ARHGAP26: variants seen among roughly 807,000 people sequenced by gnomAD.
The protein encoded by ARHGAP26 is rho GTPase-activating protein 26.
ARHGAP26 carries 38 observed loss-of-function variants against 104.8 expected under a neutral mutation model. That is an observed-to-expected ratio of 0.36 (90% CI 0.28 to 0.48). The LOEUF (loss-of-function observed/expected upper bound fraction) is 0.48, where lower values mean the gene tolerates loss of function less well. Among genes scored for constraint, ARHGAP26 ranks in the 20% least tolerant of loss-of-function variants. The probability of loss-of-function intolerance (pLI) is 0.99; values close to 1 mark genes in which losing one functional copy is unlikely to be tolerated. For synonymous variants in ARHGAP26, 341 were observed against 340.0 expected, an observed-to-expected ratio of 1.00 and a Z score of -0.03; for missense variants, 704 against 947.9, an observed-to-expected ratio of 0.74 and a Z score of 3.38.
intron 1 of ARHGAP26, among the ~76,000 whole-genome samples, chr5:142,780,653 T>G (rs1049593235): frequency 7.2e-5 from 11 of 152,250 alleles, no homozygotes; most frequent in African/African-American, 2.7e-4. Context: ...ATCAGTTGAA[T>G]GTAGGATCCC....
At chr5:142,878,804 A>T (rs900587727) in intron 3 of ARHGAP26, among the ~76,000 whole-genome samples, 1 of 152,104 alleles carries the variant, frequency 6.6e-6, no homozygotes, top group Non-Finnish European at 1.5e-5. Context: ...GTAGGTTGGA[A>T]TGCAGGACCT....
At chr5:142,880,730 T>C (rs2152388370) in intron 4 of ARHGAP26, among the ~76,000 whole-genome samples, 1 of 152,106 alleles carries the variant, frequency 6.6e-6, no homozygotes, top group East Asian at 1.9e-4. Flanking sequence ...TCTTACTTTG[T>C]GTGGATTTTG....
intron 21 of ARHGAP26, among the ~76,000 whole-genome samples, chr5:143,210,316 C>G (rs1362122515): frequency 1.3e-5 from 2 of 151,904 alleles, no homozygotes; most frequent in Admixed American, 6.6e-5. Context: ...TCTCGTGAGA[C>G]CCATTCAGTA....
intron 12 of ARHGAP26, among the ~76,000 whole-genome samples, chr5:143,032,844 C>T (rs180981965): frequency 0.014 from 2,167 of 152,174 alleles, 25 homozygotes; most frequent in South Asian, 0.049. Context: ...CATGCATGCA[C>T]ATGTGTGTGT....
In ARHGAP26 at chr5:143,211,299, G is replaced by A. The variant is rs560999872; in HGVS notation, c.2100-2698G>A. On this transcript the variant is annotated intron_variant, in intron 21 of 22. Transcript: ENST00000645722. ...TCCCATGCAATATTTGGGACATAAC[G>A]TATACTAAAGAAATATTTATTGTTT... Among the ~76,000 whole-genome samples, 16 of 152,210 alleles carry A rather than the reference G, an allele frequency of 1.1e-4. No individual in the cohort carries two copies. In the South Asian group the frequency reaches 1.5e-3, roughly 14 times the overall value.
chr5:143,043,502 A>G (rs1433159519), intron 14 of ARHGAP26, among the ~76,000 whole-genome samples: 1 of 152,210 alleles, frequency 6.6e-6, no homozygotes, highest in Non-Finnish European at 1.5e-5. Flanking sequence ...AAGCTTCTAT[A>G]AATTTTCATA....
In ARHGAP26 at chr5:143,037,823, A is replaced by G. The variant is rs181270256; in HGVS notation, c.1210+562A>G. 4.3e-3 allele frequency among the ~76,000 whole-genome samples: 659 copies of G among 152,312 alleles called. 8 individuals carry two copies. Among genetic ancestry groups the G allele is most frequent in the African/African-American group, 0.015 (615 of 41,572 alleles). ...TCCTGTCTAAGTTCACAGACACCCT[A>G]AATTTTCTCTGGCAGACATCTTGGG... On this transcript the variant is annotated intron_variant, in intron 13 of 22. Coordinates refer to ENST00000645722, the MANE Select transcript of ARHGAP26 (RefSeq NM_001135608.3).
intron 12 of ARHGAP26, among the ~76,000 whole-genome samples, chr5:143,024,079 T>G (rs1780706975): frequency 6.6e-6 from 1 of 152,202 alleles, no homozygotes; most frequent in Admixed American, 6.5e-5. Context: ...GAATTACATT[T>G]AGTTGAGCTG....
intron 21 of ARHGAP26, among the ~76,000 whole-genome samples, chr5:143,211,406 G>C (rs1395353541): frequency 6.6e-6 from 1 of 152,078 alleles, no homozygotes; most frequent in African/African-American, 2.4e-5. Flanking sequence ...CAACAGGAAT[G>C]GCCCCCTTTA....
intron 19 of ARHGAP26, among the ~76,000 whole-genome samples, chr5:143,146,445 A>T (rs977198323): frequency 6.6e-6 from 1 of 152,214 alleles, no homozygotes; most frequent in Non-Finnish European, 1.5e-5. Context: ...GGAATCCAAG[A>T]TCAAGTAGAA....
chr5:142,995,725 A>G (rs1295884015), intron 11 of ARHGAP26, among the ~76,000 whole-genome samples: 3 of 152,214 alleles, frequency 2.0e-5, no homozygotes, highest in Non-Finnish European at 4.4e-5. Context: ...ATGTTTATTG[A>G]GGCACTATTC....
At chr5:143,007,816 A>G (rs1439002444) in intron 11 of ARHGAP26, among the ~76,000 whole-genome samples, 4 of 87,108 alleles carry the variant, frequency 4.6e-5, no homozygotes, top group African/African-American at 1.3e-4. Flanking sequence ...GGCTATTTTT[A>G]TGTTTGATTG....
intron 11 of ARHGAP26, among the ~76,000 whole-genome samples, chr5:143,006,647 A>G (rs1246059724): frequency 6.6e-6 from 1 of 152,208 alleles, no homozygotes; most frequent in Non-Finnish European, 1.5e-5. Flanking sequence ...TCCACTGAGC[A>G]CATTTCACCA....
intron 6 of ARHGAP26, among the ~76,000 whole-genome samples, chr5:142,895,494 T>G (rs1759345124): frequency 6.6e-6 from 1 of 152,180 alleles, no homozygotes; most frequent in South Asian, 2.1e-4. Flanking sequence ...CCTCCCAAAG[T>G]GCTGGGATTA....
Position 143,054,471 on chromosome 5 carries a change from ATCT to A in ARHGAP26, c.1319_1321del (p.Ile440_Cys441delinsSer). The A allele has an allele frequency of 6.2e-7, 1 of 1,613,494 alleles. No individual in the cohort carries two copies. Among genetic ancestry groups the A allele is most frequent in the Non-Finnish European group, 8.5e-7 (1 of 1,179,692 alleles). On this transcript the variant is annotated inframe_deletion, in exon 15 of 23. Transcript: ENST00000645722. ...GACTGCTTCTGAGACAGAAACAGAT[ATCT>A]GTGCTGAATGGGAGATAAAGACCAT...
At chr5:142,784,468 C>T (rs2151868954) in intron 1 of ARHGAP26, among the ~76,000 whole-genome samples, 1 of 152,330 alleles carries the variant, frequency 6.6e-6, no homozygotes, top group South Asian at 2.1e-4. Context: ...TTGAAGATAA[C>T]TTAAATTTTG....
intron 10 of ARHGAP26, among the ~76,000 whole-genome samples, chr5:142,925,264 T>G (rs1338690672): frequency 6.6e-6 from 1 of 152,200 alleles, no homozygotes; most frequent in African/African-American, 2.4e-5. Flanking sequence ...TGCTTTGCAC[T>G]TGCACTGTTG....
rs1200126365 is a variant in ARHGAP26 at position 143,222,545 on chromosome 5, C to T, written c.*99C>T. ...TTCTCTTTGCCACTGAGAAATGCAG[C>T]GTGACTGACTCTGTTGCTACCTGTC... On this transcript the variant is annotated 3_prime_UTR_variant, in exon 23 of 23. Transcript: ENST00000645722. The T allele has an allele frequency of 8.7e-6, 8 of 920,896 alleles. No homozygotes were observed. The Admixed American group carries it at 1.3e-4, about 15-fold the overall frequency. The allele number at this position is 920,896 out of a possible 1,614,324, so 57.0% of individuals were successfully genotyped here. A position where few individuals can be genotyped will look rare whatever the true frequency, so the allele number is the denominator to read the frequency against.
intron 5 of ARHGAP26, among the ~76,000 whole-genome samples, chr5:142,893,910 C>T (rs1019390807): frequency 2.0e-5 from 3 of 148,652 alleles, no homozygotes; most frequent in African/African-American, 7.4e-5. Flanking sequence ...ATTCAGATCT[C>T]CTGCCCACTT....
Sources: gnomAD v4.1 joint callset for allele counts (sites outside exome capture counted in the v4.1 genomes callset) on GRCh38, gnomAD v4.1.1 for gene constraint, MANE v1.5 for transcripts, NCBI Gene and HGNC (gene_info 2026-07-23, HGNC 2026-07-21) for gene names.